The following PTPN18 variants were observed in gnomAD, a reference collection of about 807,000 sequenced individuals.
The protein encoded by PTPN18 is protein tyrosine phosphatase non-receptor type 18.
In PTPN18, 65 loss-of-function variants were observed where a neutral mutation model predicts 65.4. The ratio of observed to expected loss-of-function variants is 0.99; its 90% CI spans 0.81 to 1.22. The LOEUF (loss-of-function observed/expected upper bound fraction) is 1.22. Ranked by LOEUF, PTPN18 falls within the 50% of genes most tolerant of loss-of-function variation. PTPN18 has a pLI of 0.00. For synonymous variants in PTPN18, 255 were observed against 267.8 expected, an observed-to-expected ratio of 0.95 and a Z score of 0.47; for missense variants, 616 against 646.5, an observed-to-expected ratio of 0.95 and a Z score of 0.51.
chr2:130,356,065 G>A lies in PTPN18; in HGVS notation c.-43G>A. 6.0e-6 allele frequency: 7 copies of A among 1,175,362 alleles called. No homozygotes were observed. Among genetic ancestry groups the A allele is most frequent in the Non-Finnish European group, 7.5e-6 (7 of 938,518 alleles). The allele number at this position is 1,175,362 out of a possible 1,614,324, so 72.8% of individuals were successfully genotyped here. On this transcript the variant is annotated 5_prime_UTR_variant, in exon 1 of 15. Transcript: ENST00000175756. ...GCCTCCCGCGGCGTCCACACTCGCC[G>A]CGCGCGCGGCGGCCGGGCTGGACCT...
At position 130,372,220 on chromosome 2, in the gene PTPN18, C is replaced by A. The variant is rs774301587; in HGVS notation, c.1014-37C>A. ...TCCCCACTCCCGCCCTGCCCAGCGC[C>A]GCCGTTTCACTTCCTCCCGGCCCTC... On this transcript the variant is annotated intron_variant, in intron 12 of 14. Coordinates refer to ENST00000175756, the MANE Select transcript of PTPN18 (RefSeq NM_014369.4). 7.8e-6 allele frequency: 12 copies of A among 1,547,772 alleles called. No homozygotes were observed. The South Asian group carries it at 1.4e-4, about 18-fold the overall frequency.
intron 5 of PTPN18, among the ~76,000 whole-genome samples, chr2:130,364,668 C>T (rs894867028): frequency 1.3e-5 from 2 of 152,126 alleles, no homozygotes; most frequent in African/African-American, 2.4e-5. Flanking sequence ...TGGTGGCAGC[C>T]GCCTGTAGTC....
intron 12 of PTPN18, chr2:130,371,945 C>T: frequency 3.0e-6 from 1 of 335,886 alleles, no homozygotes; most frequent in Non-Finnish European, 5.4e-6. Flanking sequence ...TCCTTGCGGC[C>T]ATCCCTTCCT....
In PTPN18 at chr2:130,371,076, T is replaced by C. The variant is rs1358995839; in HGVS notation, c.924+112T>C. On this transcript the variant is annotated intron_variant, in intron 11 of 14. Transcript: ENST00000175756. ...CTGGGAGCAGGCACTGACTATGACA[T>C]CCACCTGTGCCCTCCTCCAGGCATC... The C allele has an allele frequency of 3.6e-5, 49 of 1,372,110 alleles. No homozygotes were observed. In the Admixed American group the frequency reaches 9.4e-4, roughly 26 times the overall value. The allele number at this position is 1,372,110 out of a possible 1,614,324, so 85.0% of individuals were successfully genotyped here.
At position 130,370,628 on chromosome 2, in the gene PTPN18, G is replaced by C. The variant is rs1533567; in HGVS notation, c.756+5G>C. The C allele has an allele frequency of 1.5e-5, 24 of 1,613,830 alleles. 1 individual carries two copies. The South Asian group carries it at 2.0e-4, about 13-fold the overall frequency. ...AGGCAGCTGCTCCTGACCCAGGTACGATACAGGCATCCTGTGTGTGCAGTG... is the reference window on the plus strand; with the variant it reads ...AGGCAGCTGCTCCTGACCCAGGTACCATACAGGCATCCTGTGTGTGCAGTG... On this transcript the variant is annotated splice_donor_5th_base_variant and intron_variant, in intron 9 of 14. Coordinates refer to ENST00000175756, the MANE Select transcript of PTPN18 (RefSeq NM_014369.4).
intron 6 of PTPN18, 138 bp downstream of exon 6, chr2:130,369,339 T>C (rs1156849332): frequency 3.1e-5 from 24 of 768,406 alleles, no homozygotes; most frequent in Non-Finnish European, 4.9e-5. Flanking sequence ...TAGTTAGAAC[T>C]TACTATAGGG....
At chr2:130,368,248 C>T (rs1045420970) in intron 5 of PTPN18, among the ~76,000 whole-genome samples, 2 of 152,190 alleles carry the variant, frequency 1.3e-5, no homozygotes, top group African/African-American at 2.4e-5. Flanking sequence ...GTCACACTTT[C>T]CTGCTTCTTT....
In PTPN18 at chr2:130,374,747, C is replaced by T; in HGVS notation, c.*1523C>T. 2.1e-6 allele frequency: 1 copy of T among 466,942 alleles called. No homozygotes were observed. The highest frequency in any genetic ancestry group is 1.6e-5 in the South Asian group (1 of 64,480). 28.9% of individuals were successfully genotyped at this position (466,942 alleles called of 1,614,324 possible). A position where few individuals can be genotyped will look rare whatever the true frequency, so the allele number is the denominator to read the frequency against. ...AGTGCCCTGGGCCCCATGTCCACCC[C>T]TGTCCTGCCCTTCTCTGGGATAGGG... On this transcript the variant is annotated 3_prime_UTR_variant, in exon 15 of 15. Transcript: ENST00000175756.
intron 13 of PTPN18, 65 bp from the exon 14 acceptor site, chr2:130,372,808 G>A (rs993125903): frequency 8.3e-6 from 13 of 1,573,814 alleles, no homozygotes; most frequent in Non-Finnish European, 1.1e-5. Context: ...GTCCCCGCTA[G>A]GGGTGGGGTC....
At chr2:130,367,410 A>T (rs981059791) in intron 5 of PTPN18, among the ~76,000 whole-genome samples, 1 of 152,118 alleles carries the variant, frequency 6.6e-6, no homozygotes, top group African/African-American at 2.4e-5. Flanking sequence ...GTGGTGGCTC[A>T]TGCCTGTAAT....
At chr2:130,361,381 A>G (rs1680184566) in intron 5 of PTPN18, among the ~76,000 whole-genome samples, 1 of 152,202 alleles carries the variant, frequency 6.6e-6, no homozygotes, top group Admixed American at 6.5e-5. Context: ...TTGAGTACAT[A>G]TACATTTAGG....
At chr2:130,362,591 A>G (rs1291908540) in intron 5 of PTPN18, among the ~76,000 whole-genome samples, 1 of 152,132 alleles carries the variant, frequency 6.6e-6, no homozygotes, top group Non-Finnish European at 1.5e-5. Context: ...TCAGAACTTT[A>G]CTGTAGTATA....
rs750294458 is a variant in PTPN18 at position 130,372,391 on chromosome 2, CGGA to C, written c.1154_1156del (p.Glu385del). The C allele has an allele frequency of 3.0e-4, 408 of 1,364,034 alleles. No individual in the cohort carries two copies. Among genetic ancestry groups the C allele is most frequent in the Non-Finnish European group, 3.6e-4 (387 of 1,063,890 alleles). The allele number at this position is 1,364,034 out of a possible 1,614,324, so 84.5% of individuals were successfully genotyped here. A position where few individuals can be genotyped will look rare whatever the true frequency, so the allele number is the denominator to read the frequency against. On this transcript the variant is annotated inframe_deletion, in exon 13 of 15. Coordinates refer to ENST00000175756, the MANE Select transcript of PTPN18 (RefSeq NM_014369.4). ...GGGACGGGGACGGGGGCGCGCAGCGCGGAGGAGGCGCCGCTCTACAGCAAGGTG... is the reference window on the plus strand; with the variant it reads ...GGGACGGGGACGGGGGCGCGCAGCGCGGAGGCGCCGCTCTACAGCAAGGTG...
In PTPN18 at chr2:130,375,194, C is replaced by G. The variant is rs1680709763; in HGVS notation, c.*1970C>G. On this transcript the variant is annotated 3_prime_UTR_variant, in exon 15 of 15. Transcript: ENST00000175756. ...TTGCTGGATAATGAGTCATCTATCT[C>G]TGGAGGAGAAGAAAGGCAGGTCCTC... is the stretch of plus-strand genomic sequence containing the variant. 6.5e-6 allele frequency: 1 copy of G among 153,558 alleles called. No homozygotes were observed. Among genetic ancestry groups the G allele is most frequent in the African/African-American group, 2.4e-5 (1 of 41,460 alleles). 9.5% of individuals were successfully genotyped at this position (153,558 alleles called of 1,614,324 possible). A position where few individuals can be genotyped will look rare whatever the true frequency, so the allele number is the denominator to read the frequency against.
Position 130,373,093 on chromosome 2 carries a change from A to C in PTPN18, c.1316-64A>C. On this transcript the variant is annotated intron_variant, in intron 14 of 14. Transcript: ENST00000175756. This position sits in a 1 kb window ranked among gnomAD's most constrained non-coding sequence, Gnocchi z 4.1. ...TGGAGGCGGGGGGATGGCCTTCTTCATGTCTGCCAGCTTCCACACACCTCA... is the reference window on the plus strand; with the variant it reads ...TGGAGGCGGGGGGATGGCCTTCTTCCTGTCTGCCAGCTTCCACACACCTCA... The C allele has an allele frequency of 6.5e-7, 1 of 1,549,628 alleles. No individual in the cohort carries two copies.
chr2:130,361,742 C>G (rs765605723), intron 5 of PTPN18, among the ~76,000 whole-genome samples: 1 of 152,006 alleles, frequency 6.6e-6, no homozygotes, highest in East Asian at 1.9e-4. Flanking sequence ...TGCCTGCCAC[C>G]ACGCCCAGCT....
chr2:130,367,660 G>C (rs1257975283), intron 5 of PTPN18, among the ~76,000 whole-genome samples: 1 of 152,050 alleles, frequency 6.6e-6, no homozygotes, highest in East Asian at 1.9e-4. Context: ...GGGTGACAGA[G>C]CAAGGGTCTC....
At position 130,371,257 on chromosome 2, in the gene PTPN18, C is replaced by T. The variant is rs1287127511; in HGVS notation, c.983C>T (p.Ala328Val). 6.2e-7 allele frequency: 1 copy of T among 1,608,286 alleles called. No homozygotes were observed. The highest frequency in any genetic ancestry group is 1.3e-5 in the African/African-American group (1 of 74,840). ...CTCCGGACTCCCCAGGCACTTCTCG[C>T]CATACCCCGCCCACCAGGAGGGGTC... is the stretch of plus-strand genomic sequence containing the variant. ...LFLRTPQALL[A>V]IPRPPGGVLR... Residue 328 changes from alanine to valine, a missense_variant, in exon 12 of 15, where the codon GCC (alanine) becomes GTC (valine). By Grantham distance (64) the Ala-to-Val change is moderately conservative. Coordinates refer to ENST00000175756, the MANE Select transcript of PTPN18 (RefSeq NM_014369.4).
rs751869688 is a variant in PTPN18 at position 130,371,288 on chromosome 2, G to A, written c.1013+1G>A. The A allele has an allele frequency of 1.9e-6, 3 of 1,584,916 alleles. No homozygotes were observed. Among genetic ancestry groups the A allele is most frequent in the Non-Finnish European group, 2.6e-6 (3 of 1,160,098 alleles). ...CCCGCCCACCAGGAGGGGTCCTCAG[G>A]TACCCGGCTCCATCCCCGGATTCTT... On this transcript the variant is annotated splice_donor_variant, in intron 12 of 14. Transcript: ENST00000175756. LOFTEE classifies it high-confidence loss of function.
Sources: allele counts gnomAD v4.1 joint callset (sites outside exome capture counted in the v4.1 genomes callset), GRCh38; gene constraint gnomAD v4.1.1; non-coding constraint Gnocchi (gnomAD v3.1); transcripts MANE v1.5; gene names NCBI Gene and HGNC (gene_info 2026-07-23, HGNC 2026-07-21).